Variants in COL13A1 observed in about 807,000 individuals in gnomAD.
COL13A1 encodes collagen type XIII alpha 1 chain.
A neutral mutation model predicts 130.9 loss-of-function variants in COL13A1; 89 were observed. The observed-to-expected ratio is 0.68, with a 90% CI of 0.57 to 0.81. The LOEUF is 0.81. COL13A1 is among the 30% of genes least tolerant of loss of function. The pLI, the probability that COL13A1 is intolerant of heterozygous loss-of-function variation, is 0.00. For synonymous variants in COL13A1, 402 were observed against 341.6 expected, an observed-to-expected ratio of 1.18 and a Z score of -1.95; for missense variants, 879 against 934.6, an observed-to-expected ratio of 0.94 and a Z score of 0.78.
chr10:69,913,569 T>C (rs2063600552), intron 17 of COL13A1, among the ~76,000 whole-genome samples: 1 of 152,208 alleles, frequency 6.6e-6, no homozygotes, highest in Non-Finnish European at 1.5e-5. Context: ...GGTGGGCCAC[T>C]GTCCTCCTCG....
intron 32 of COL13A1, among the ~76,000 whole-genome samples, chr10:69,936,244 T>G (rs1411650783): frequency 6.6e-6 from 1 of 151,522 alleles, no homozygotes; most frequent in African/African-American, 2.4e-5. Flanking sequence ...GCTACAGAAA[T>G]GTAACCATGG....
chr10:69,817,584 C>T (rs1371975699), intron 1 of COL13A1, among the ~76,000 whole-genome samples: 10 of 151,920 alleles, frequency 6.6e-5, no homozygotes, highest in African/African-American at 2.4e-4. Flanking sequence ...GTGTTTCTCC[C>T]GCTTTACCCT....
At chr10:69,838,486 C>G (rs1367173036) in intron 2 of COL13A1, among the ~76,000 whole-genome samples, 1 of 152,236 alleles carries the variant, frequency 6.6e-6, no homozygotes, top group African/African-American at 2.4e-5. Flanking sequence ...GTATGTAAAG[C>G]ACGTGGTACA....
intron 2 of COL13A1, among the ~76,000 whole-genome samples, chr10:69,861,581 A>G (rs954707677): frequency 1.3e-5 from 2 of 151,972 alleles, no homozygotes; most frequent in African/African-American, 4.8e-5. Flanking sequence ...CCAAGGCTAG[A>G]CTCAGTCCTG....
At chr10:69,841,693 G>A (rs373482640) in intron 2 of COL13A1, among the ~76,000 whole-genome samples, 3 of 152,154 alleles carry the variant, frequency 2.0e-5, no homozygotes, top group East Asian at 1.9e-4. Context: ...GCAATGCAAG[G>A]TTTCATGAGA....
intron 1 of COL13A1, among the ~76,000 whole-genome samples, chr10:69,817,788 C>A (rs1844982333): frequency 6.6e-6 from 1 of 151,948 alleles, no homozygotes; most frequent in Non-Finnish European, 1.5e-5. Flanking sequence ...TTGGTAGGAC[C>A]CGCAGGTTGA....
chr10:69,889,445 G>C lies in COL13A1; in HGVS notation c.603+5G>C. Reference sequence around the variant, plus strand: ...CCAGGACCAAAGGGCGACATGGTAAGAGCCCAGCTTTCCTGCCTTCCCGAG... The same window carrying C: ...CCAGGACCAAAGGGCGACATGGTAACAGCCCAGCTTTCCTGCCTTCCCGAG... On this transcript the variant is annotated splice_donor_5th_base_variant and intron_variant, in intron 10 of 40. Transcript: ENST00000645393. 6.2e-7 allele frequency: 1 copy of C among 1,611,492 alleles called. No homozygotes were observed. Among genetic ancestry groups the C allele is most frequent in the Non-Finnish European group, 8.5e-7 (1 of 1,179,028 alleles).
At chr10:69,867,125 G>A (rs1035550446) in intron 2 of COL13A1, among the ~76,000 whole-genome samples, 3 of 152,150 alleles carry the variant, frequency 2.0e-5, no homozygotes, top group East Asian at 1.9e-4. Context: ...CTGCTGCTGC[G>A]GCCGTGGGAG....
chr10:69,956,918 G>A, intron 39 of COL13A1, 86 bp from the exon 40 acceptor site: 1 of 1,018,510 alleles, frequency 9.8e-7, no homozygotes, highest in South Asian at 1.3e-5. Flanking sequence ...CTGCCAAAAT[G>A]CGTGTGGCCC....
intron 2 of COL13A1, among the ~76,000 whole-genome samples, chr10:69,824,883 G>C (rs1468989283): frequency 1.3e-5 from 2 of 152,210 alleles, no homozygotes; most frequent in African/African-American, 4.8e-5. Context: ...CTAAGATGCT[G>C]TTCCGGCCTT....
intron 1 of COL13A1, among the ~76,000 whole-genome samples, chr10:69,806,901 G>T (rs532632150): frequency 7.8e-4 from 119 of 152,276 alleles, no homozygotes; most frequent in South Asian, 2.3e-3. Flanking sequence ...CCAGCTACTC[G>T]GGAGGCTAAG....
rs368677846 is a variant in COL13A1 at position 69,803,187 on chromosome 10, G to T, written c.294+470G>T. Among the ~76,000 whole-genome samples the T allele has an allele frequency of 1.4e-4, 22 of 152,316 alleles. No individual in the cohort carries two copies. The East Asian group carries it at 4.3e-3, about 29-fold the overall frequency. The stretch of plus-strand genomic sequence containing the variant: ...AGGACCCGGGGGGTGCGGGGAGAGG[G>T]GACAGTTCTTGCAGGGGGTGGTGCC... On this transcript the variant is annotated intron_variant, in intron 1 of 40. Coordinates refer to ENST00000645393, the MANE Select transcript of COL13A1 (RefSeq NM_001368882.1).
chr10:69,932,447 G>A (rs559660369), intron 30 of COL13A1, 113 bp from the exon 31 acceptor site: 7 of 682,352 alleles, frequency 1.0e-5, no homozygotes, highest in African/African-American at 5.3e-5. Flanking sequence ...GGTGTTCCTT[G>A]TTGACCCCTA....
At chr10:69,930,618 G>A in intron 30 of COL13A1, 66 bp downstream of exon 30, 1 of 1,542,936 alleles carries the variant, frequency 6.5e-7, no homozygotes, top group Non-Finnish European at 8.7e-7. Flanking sequence ...CAGCTTTGCA[G>A]GGCTTTGCAC....
At chr10:69,806,619 AAAG>A (rs1323779024) in intron 1 of COL13A1, among the ~76,000 whole-genome samples, 1 of 152,220 alleles carries the variant, frequency 6.6e-6, no homozygotes, top group Non-Finnish European at 1.5e-5. Context: ...TGCTGTGAAG[AAAG>A]AAGCTGGAAT....
rs3215785 is a variant in COL13A1 at position 69,927,149 on chromosome 10, C to CGGGG, written c.1422+43_1422+46dup. 3.7e-6 allele frequency: 6 copies of CGGGG among 1,612,650 alleles called. No homozygotes were observed. In the South Asian group the frequency reaches 5.5e-5, roughly 15 times the overall value. On this transcript the variant is annotated intron_variant, in intron 27 of 40. Coordinates refer to ENST00000645393, the MANE Select transcript of COL13A1 (RefSeq NM_001368882.1). ...CTCCTGGCTTTCCTTGGGCACTGGA[C>CGGGG]GGGGGGGCTGGGGATGGCAGCCTGG...
At position 69,902,977 on chromosome 10, in the gene COL13A1, TG is replaced by T. The variant is rs2062359393; in HGVS notation, c.858+123del. The stretch of plus-strand genomic sequence containing the variant: ...GAAATGCCTTGGCAGGGCCATTGGA[TG>T]TGGGTGAACCATGCAAGGGGCTATT... On this transcript the variant is annotated intron_variant, in intron 15 of 40. Transcript: ENST00000645393. 5.6e-6 allele frequency: 4 copies of T among 717,342 alleles called. No individual in the cohort carries two copies. In the East Asian group the frequency reaches 1.2e-4, roughly 22 times the overall value. The allele number at this position is 717,342 out of a possible 1,614,324, so 44.4% of individuals were successfully genotyped here.
At chr10:69,854,704 C>A (rs567069385) in intron 2 of COL13A1, among the ~76,000 whole-genome samples, 8 of 152,028 alleles carry the variant, frequency 5.3e-5, no homozygotes, top group African/African-American at 1.9e-4. Context: ...CTCACAGGGA[C>A]GAGCTGTGAT....
At chr10:69,892,637 C>T (rs12220380) in intron 10 of COL13A1, among the ~76,000 whole-genome samples, 33,999 of 151,986 alleles carry the variant, frequency 0.22, 3,945 homozygotes, top group Admixed American at 0.29. Context: ...GCCTCAGTGG[C>T]GGTTAGCACA....
Sources: allele counts gnomAD v4.1 joint callset (sites outside exome capture counted in the v4.1 genomes callset), GRCh38; gene constraint gnomAD v4.1.1; transcripts MANE v1.5; gene names NCBI Gene and HGNC (gene_info 2026-07-23, HGNC 2026-07-21).